The following SMAD3 variants were observed in gnomAD, a reference collection of about 807,000 sequenced individuals.
SMAD3 encodes the protein MAD homolog 3.
SMAD3 carries 12 observed loss-of-function variants against 51.8 expected under a neutral mutation model. That is an observed-to-expected ratio of 0.23 (90% CI 0.15 to 0.38). The LOEUF is 0.38. Among genes scored for constraint, SMAD3 ranks in the 10% least tolerant of loss-of-function variants. SMAD3 has a pLI of 1.00. For missense variants in SMAD3, 294 were observed against 565.6 expected (o/e 0.52, Z 4.87); for synonymous variants, 238 against 227.7 (o/e 1.05, Z -0.41).
intron 1 of SMAD3, among the ~76,000 whole-genome samples, chr15:67,116,460 G>A (rs1055253490): frequency 1.3e-5 from 2 of 152,244 alleles, no homozygotes; most frequent in African/African-American, 4.8e-5. Context: ...CTCGGGCACA[G>A]GGATAACGGT....
chr15:67,084,797 TGCATTCCAACCG>T (rs1960354413), intron 1 of SMAD3, among the ~76,000 whole-genome samples: 3 of 152,198 alleles, frequency 2.0e-5, no homozygotes, highest in Non-Finnish European at 4.4e-5. Context: ...AGGCACCGGC[TGCATTCCAACCG>T]TAGTGCCATA....
intron 3 of SMAD3, 35 bp downstream of exon 3, chr15:67,165,419 G>T (rs757312786): frequency 6.2e-7 from 1 of 1,611,720 alleles, no homozygotes; most frequent in South Asian, 1.1e-5. Context: ...GGCCTGGGAG[G>T]CAGGGGCAGC....
chr15:67,170,507 A>C (rs1176698283), intron 4 of SMAD3, 47 bp from the exon 5 acceptor site: 1 of 1,549,348 alleles, frequency 6.5e-7, no homozygotes, highest in East Asian at 2.2e-5. Context: ...TTGGCTCTCC[A>C]GGCCAAGAAT....
intron 6 of SMAD3, among the ~76,000 whole-genome samples, chr15:67,183,000 A>ATATATATATAT (rs1555413789): frequency 2.3e-5 from 1 of 43,638 alleles, no homozygotes; most frequent in Non-Finnish European, 3.6e-5. Context: ...AAAAAAAAAA[A>ATATATATATAT]ATATATATAT....
At chr15:67,081,444 G>A (rs577906814) in intron 1 of SMAD3, among the ~76,000 whole-genome samples, 24 of 152,230 alleles carry the variant, frequency 1.6e-4, no homozygotes, top group African/African-American at 4.1e-4. Context: ...GGCCCCTTCC[G>A]TCGTGAGTCC....
At chr15:67,150,844 A>ATTT (rs1962117313) in intron 1 of SMAD3, among the ~76,000 whole-genome samples, 2 of 15,268 alleles carry the variant, frequency 1.3e-4, no homozygotes, top group African/African-American at 4.2e-4. Flanking sequence ...GCTATTTCTC[A>ATTT]GTCTTTTTTT....
chr15:67,166,116 C>G, intron 3 of SMAD3: 1 of 985,792 alleles, frequency 1.0e-6, no homozygotes, highest in Non-Finnish European at 1.2e-6. Flanking sequence ...GGCCTGTGTG[C>G]TTGGGTCAGA....
At chr15:67,134,386 G>A (rs938735638) in intron 1 of SMAD3, among the ~76,000 whole-genome samples, 1 of 152,184 alleles carries the variant, frequency 6.6e-6, no homozygotes, top group Non-Finnish European at 1.5e-5. Context: ...TCGGAGAGAT[G>A]CAGGAAAGGC....
At chr15:67,171,776 C>G (rs1174502325) in intron 5 of SMAD3, among the ~76,000 whole-genome samples, 1 of 152,100 alleles carries the variant, frequency 6.6e-6, no homozygotes, top group African/African-American at 2.4e-5. Context: ...AATAATATCA[C>G]CATGAGTGCC....
At position 67,183,757 on chromosome 15, in the gene SMAD3, T is replaced by G. The variant is rs560375382; in HGVS notation, c.872-970T>G. Among the ~76,000 whole-genome samples, 24 of 152,282 alleles carry G rather than the reference T, an allele frequency of 1.6e-4. 1 individual carries two copies. The South Asian group carries it at 5.0e-3, about 32-fold the overall frequency. On this transcript the variant is annotated intron_variant, in intron 6 of 8. Transcript: ENST00000327367. ...GTCAGAGTTTACGCAACTGTTTGAGTTGCAGAGCCAATTTAAAAATAATTT... is the reference window on the plus strand; with the variant it reads ...GTCAGAGTTTACGCAACTGTTTGAGGTGCAGAGCCAATTTAAAAATAATTT...
intron 7 of SMAD3, among the ~76,000 whole-genome samples, chr15:67,185,151 T>C (rs1013527461): frequency 6.6e-6 from 1 of 152,210 alleles, no homozygotes; most frequent in African/African-American, 2.4e-5. Context: ...TCTTCACTCA[T>C]TCATTGCACA....
chr15:67,184,525 A>G (rs1275757922), intron 6 of SMAD3, among the ~76,000 whole-genome samples: 1 of 152,184 alleles, frequency 6.6e-6, no homozygotes, highest in Non-Finnish European at 1.5e-5. Flanking sequence ...ATCTCTTGTC[A>G]TCTGCCTCCC....
At chr15:67,155,444 A>G (rs1962257103) in intron 1 of SMAD3, among the ~76,000 whole-genome samples, 1 of 152,202 alleles carries the variant, frequency 6.6e-6, no homozygotes, top group African/African-American at 2.4e-5. Context: ...CATGGAAGAA[A>G]TAAAGGCATG....
chr15:67,078,982 TA>T (rs1295538024), intron 1 of SMAD3, among the ~76,000 whole-genome samples: 3 of 142,930 alleles, frequency 2.1e-5, no homozygotes, highest in Admixed American at 6.8e-5. Flanking sequence ...CACATATTAT[TA>T]TTTTTTTTTT....
intron 1 of SMAD3, among the ~76,000 whole-genome samples, chr15:67,071,737 A>G (rs1231803186): frequency 2.0e-5 from 3 of 152,172 alleles, no homozygotes; most frequent in Non-Finnish European, 4.4e-5. Context: ...GCGTGAACCC[A>G]GGAGGCGGAG....
chr15:67,121,817 T>C (rs2140243923), intron 1 of SMAD3, among the ~76,000 whole-genome samples: 1 of 152,346 alleles, frequency 6.6e-6, no homozygotes, highest in Non-Finnish European at 1.5e-5. Context: ...TGCATATTCA[T>C]GCATGTTTTT....
intron 6 of SMAD3, among the ~76,000 whole-genome samples, chr15:67,182,726 C>A (rs1484660674): frequency 6.6e-6 from 1 of 151,806 alleles, no homozygotes; most frequent in Non-Finnish European, 1.5e-5. Context: ...TCTGCAGAGA[C>A]CTCATTGTCA....
chr15:67,148,606 C>G (rs1962042464), intron 1 of SMAD3, among the ~76,000 whole-genome samples: 1 of 152,150 alleles, frequency 6.6e-6, no homozygotes, highest in Non-Finnish European at 1.5e-5. Flanking sequence ...GCTGTCATTC[C>G]CCTGCTGTTT....
At chr15:67,160,114 C>G (rs1001297743) in intron 1 of SMAD3, among the ~76,000 whole-genome samples, 3 of 152,192 alleles carry the variant, frequency 2.0e-5, no homozygotes, top group Admixed American at 6.5e-5. Flanking sequence ...CAGATTTGAT[C>G]ATTACACATT....
Sources: gnomAD v4.1 joint callset for allele counts (sites outside exome capture counted in the v4.1 genomes callset) on GRCh38, gnomAD v4.1.1 for gene constraint, MANE v1.5 for transcripts, NCBI Gene and HGNC (gene_info 2026-07-23, HGNC 2026-07-21) for gene names.